Variants in UGT2A1 observed in about 807,000 individuals in gnomAD.
UGT2A1 encodes the protein UDP-glucuronosyltransferase 2A1.
Under a neutral mutation model 45.4 loss-of-function variants are expected in UGT2A1, and 61 were observed. The observed-to-expected ratio is 1.34, with a 90% CI of 1.09 to 1.66. UGT2A1 has a LOEUF of 1.66. UGT2A1 is among the 40% of genes most tolerant of loss of function. UGT2A1 has a pLI of 0.00. For missense variants in UGT2A1, 649 were observed against 574.3 expected, an observed-to-expected ratio of 1.13 and a Z score of -1.33; for synonymous variants, 229 against 196.2, an observed-to-expected ratio of 1.17 and a Z score of -1.40.
intron 3 of UGT2A1, among the ~76,000 whole-genome samples, chr4:69,624,057 T>C (rs1431384582): frequency 2.0e-5 from 3 of 151,648 alleles, no homozygotes. Flanking sequence ...TGTGTGCTTG[T>C]ATTATCAATT....
intron 3 of UGT2A1, among the ~76,000 whole-genome samples, chr4:69,606,049 G>A (rs1719590468): frequency 7.3e-6 from 1 of 136,858 alleles, no homozygotes; most frequent in East Asian, 2.1e-4. Flanking sequence ...TAGAAAAAGA[G>A]GGAATCCTCC....
intron 4 of UGT2A1, chr4:69,596,423 A>C: frequency 7.0e-7 from 1 of 1,433,412 alleles, no homozygotes; most frequent in Non-Finnish European, 9.2e-7. Flanking sequence ...GTGTAGCATC[A>C]TAAGAAAAAA....
intron 3 of UGT2A1, among the ~76,000 whole-genome samples, chr4:69,616,560 C>A (rs1720399373): frequency 6.6e-6 from 1 of 151,828 alleles, no homozygotes; most frequent in African/African-American, 2.4e-5. Flanking sequence ...ACATGTACCC[C>A]ACCAACAAAA....
chr4:69,596,569 C>G (rs1577946908), intron 4 of UGT2A1, among the ~76,000 whole-genome samples: 1 of 152,250 alleles, frequency 6.6e-6, no homozygotes, highest in East Asian at 1.9e-4. Flanking sequence ...GTCGCCCAGG[C>G]TGGAGCGCAG....
chr4:69,591,091 C>G (rs1363006779), intron 6 of UGT2A1, among the ~76,000 whole-genome samples: 3 of 151,954 alleles, frequency 2.0e-5, no homozygotes, highest in South Asian at 4.2e-4. Context: ...AAATTTCTAA[C>G]AGTATTTATA....
At chr4:69,605,032 T>G (rs550224463) in intron 3 of UGT2A1, among the ~76,000 whole-genome samples, 8 of 135,696 alleles carry the variant, frequency 5.9e-5, no homozygotes, top group Admixed American at 3.6e-4. Context: ...AGATAACAAG[T>G]ATATCCAGGA....
At chr4:69,614,771 A>G (rs1183210954) in intron 3 of UGT2A1, among the ~76,000 whole-genome samples, 1 of 152,066 alleles carries the variant, frequency 6.6e-6, no homozygotes, top group Non-Finnish European at 1.5e-5. Context: ...ATGTAGAACA[A>G]TGAAAGTGGA....
At chr4:69,623,307 A>G (rs1720857494) in intron 3 of UGT2A1, among the ~76,000 whole-genome samples, 1 of 151,784 alleles carries the variant, frequency 6.6e-6, no homozygotes, top group Non-Finnish European at 1.5e-5. Context: ...ACTACAATGT[A>G]ACACTCTGTT....
intron 3 of UGT2A1, among the ~76,000 whole-genome samples, chr4:69,622,349 A>C (rs1720802293): frequency 6.6e-6 from 1 of 151,850 alleles, no homozygotes; most frequent in Non-Finnish European, 1.5e-5. Context: ...ATTTATAGCT[A>C]ATATGCCAGT....
At chr4:69,618,047 C>A (rs1303032442) in intron 3 of UGT2A1, among the ~76,000 whole-genome samples, 1 of 151,802 alleles carries the variant, frequency 6.6e-6, no homozygotes, top group Non-Finnish European at 1.5e-5. Flanking sequence ...TGTTTGACAT[C>A]ATTTAATTAT....
Position 69,594,697 on chromosome 4 carries a change from C to G in UGT2A1, c.1085-1G>C. The G allele has an allele frequency of 6.2e-6, 10 of 1,612,196 alleles. No homozygotes were observed. Among genetic ancestry groups the G allele is most frequent in the Non-Finnish European group, 8.5e-6 (10 of 1,179,026 alleles). Reference sequence around the variant, plus strand: ...ATAAAAGCTTTGGTTTTGGGATGTCCTAATTTGAGGATGGAGTGAGAAGTG... The same window carrying G: ...ATAAAAGCTTTGGTTTTGGGATGTCGTAATTTGAGGATGGAGTGAGAAGTG... On this transcript the variant is annotated splice_acceptor_variant, in intron 5 of 6. Coordinates refer to ENST00000286604, the MANE Select transcript of UGT2A1 (RefSeq NM_001252275.3). LOFTEE classifies it high-confidence loss of function.
chr4:69,595,045 TTGAG>T, intron 5 of UGT2A1, 113 bp downstream of exon 5: 2 of 1,371,498 alleles, frequency 1.5e-6, no homozygotes, highest in South Asian at 2.5e-5. Context: ...TGCTTTAAAA[TTGAG>T]TGTCAAATAA....
chr4:69,632,011 A>G (rs542166839), intron 3 of UGT2A1, among the ~76,000 whole-genome samples: 3 of 152,330 alleles, frequency 2.0e-5, no homozygotes, highest in Admixed American at 6.5e-5. Flanking sequence ...ATACCACATT[A>G]TAGTTATTAG....
In UGT2A1 at chr4:69,610,591, C is replaced by T. The variant is rs111933037; in HGVS notation, c.848-11197G>A. 4.3e-3 allele frequency among the ~76,000 whole-genome samples: 655 copies of T among 152,198 alleles called. 6 individuals carry two copies. Among genetic ancestry groups the T allele is most frequent in the African/African-American group, 0.013 (553 of 41,542 alleles). ...CTCCCCTAAAATTTGTATATGAAGC[C>T]TGACTGTATTTGAAGATAAGGCCTT... On this transcript the variant is annotated intron_variant, in intron 3 of 6. Transcript: ENST00000286604.
intron 3 of UGT2A1, among the ~76,000 whole-genome samples, chr4:69,619,243 A>C (rs1182285453): frequency 6.6e-6 from 1 of 151,748 alleles, no homozygotes; most frequent in Non-Finnish European, 1.5e-5. Context: ...TAAAAATAAA[A>C]ATAAAAAATT....
In UGT2A1 at chr4:69,589,624, T is replaced by G; in HGVS notation, c.1332A>C (p.Ser444=). The change falls in exon 7 of 7, where the codon TCA becomes TCC. Residue 444 remains serine, a synonymous_variant. Coordinates refer to ENST00000286604, the MANE Select transcript of UGT2A1 (RefSeq NM_001252275.3). ...TTACAGGTTGATCATGGTGAATTCT[T>G]GATAACCTCATAGCATTCTCTTTAT... is the stretch of plus-strand genomic sequence containing the variant. The part of the protein sequence containing the change: ...PSYKENAMRL[S]RIHHDQPVKP... 6.2e-7 allele frequency: 1 copy of G among 1,613,884 alleles called. No homozygotes were observed. Among genetic ancestry groups the G allele is most frequent in the Non-Finnish European group, 8.5e-7 (1 of 1,179,832 alleles).
At chr4:69,649,199 A>G (rs1238994557) in intron 1 of UGT2A1, among the ~76,000 whole-genome samples, 1 of 152,130 alleles carries the variant, frequency 6.6e-6, no homozygotes, top group Non-Finnish European at 1.5e-5. Flanking sequence ...ACCAAAGATA[A>G]TCTGTATGGA....
At position 69,589,404 on chromosome 4, in the gene UGT2A1, C is replaced by T; in HGVS notation, c.1552G>A (p.Gly518Ser). 2 of 1,612,344 alleles carry T rather than the reference C, an allele frequency of 1.2e-6. No individual in the cohort carries two copies. The highest frequency in any genetic ancestry group is 1.7e-5 in the Admixed American group (1 of 59,782). ...QCCLFSCQKFGKIGKKKKRE is the reference protein window; with the variant it reads ...QCCLFSCQKFSKIGKKKKRE ...CTTTTTTTCTTCTTTCCTATCTTACCAAATTTTTGACAGGAAAACAAACAA... is the reference window on the plus strand; with the variant it reads ...CTTTTTTTCTTCTTTCCTATCTTACTAAATTTTTGACAGGAAAACAAACAA... The change falls in exon 7 of 7, where the codon GGT (glycine) becomes AGT (serine). Residue 518 changes from glycine (G) to serine (S), a missense_variant. Coordinates refer to ENST00000286604, the MANE Select transcript of UGT2A1 (RefSeq NM_001252275.3).
At chr4:69,644,841 A>C (rs1722185049) in intron 2 of UGT2A1, among the ~76,000 whole-genome samples, 1 of 151,808 alleles carries the variant, frequency 6.6e-6, no homozygotes, top group African/African-American at 2.4e-5. Flanking sequence ...TGGCTGTAGT[A>C]TCTCACATCC....
Sources: gnomAD v4.1 joint callset for allele counts (sites outside exome capture counted in the v4.1 genomes callset) on GRCh38, gnomAD v4.1.1 for gene constraint, MANE v1.5 for transcripts, NCBI Gene and HGNC (gene_info 2026-07-23, HGNC 2026-07-21) for gene names.